Variants in PHF24 observed in about 807,000 individuals in gnomAD.
PHF24 encodes the protein Galpha inhibitory interacting protein.
In PHF24, 25 loss-of-function variants were observed where a neutral mutation model predicts 42.6. That is an observed-to-expected ratio of 0.59 (90% CI 0.43 to 0.82). The LOEUF (loss-of-function observed/expected upper bound fraction) is 0.82, where lower values mean the gene tolerates loss of function less well. PHF24 is among the 40% of genes least tolerant of loss of function. PHF24 has a pLI of 0.00. For missense variants in PHF24, 470 were observed against 538.1 expected (o/e 0.87, Z 1.25); for synonymous variants, 185 against 204.8 (o/e 0.90, Z 0.83).
the PHF24 span, among the ~76,000 whole-genome samples, chr9:34,885,153 T>G: frequency 6.6e-6 from 1 of 152,238 alleles, no homozygotes; most frequent in Non-Finnish European, 1.5e-5. Context: ...TTGGGGATGC[T>G]TTAGGCAAAT....
chr9:34,850,236 C>T, the PHF24 span, among the ~76,000 whole-genome samples: 2 of 152,168 alleles, frequency 1.3e-5, no homozygotes, highest in Admixed American at 1.3e-4. Flanking sequence ...CTTTCAGGTA[C>T]ACCAATCAGA....
At chr9:34,847,540 C>G in the PHF24 span, among the ~76,000 whole-genome samples, 2 of 152,006 alleles carry the variant, frequency 1.3e-5, no homozygotes, top group Admixed American at 1.3e-4. Flanking sequence ...ATCATGTCAT[C>G]TGCAAACAGG....
chr9:34,855,645 C>T, the PHF24 span, among the ~76,000 whole-genome samples: 1 of 152,216 alleles, frequency 6.6e-6, no homozygotes, highest in African/African-American at 2.4e-5. Context: ...GAGAGGTCCA[C>T]TGTTAGCCTG....
chr9:34,963,098 G>C (rs75683643), intron 1 of PHF24, among the ~76,000 whole-genome samples: 11,139 of 152,118 alleles, frequency 0.073, 439 homozygotes, highest in African/African-American at 0.097. Flanking sequence ...TTAGTTTCTA[G>C]GCTACTGCCA....
the PHF24 span, among the ~76,000 whole-genome samples, chr9:34,852,086 T>C: frequency 6.6e-6 from 1 of 152,188 alleles, no homozygotes; most frequent in African/African-American, 2.4e-5. Context: ...TTCCTCAGCC[T>C]ACTCAACATG....
At chr9:34,678,059 G>A in the PHF24 span, 1 of 152,236 alleles carries the variant, frequency 6.6e-6, no homozygotes, top group Non-Finnish European at 1.5e-5. Flanking sequence ...CTTAATGTGA[G>A]TGGGCACAAT....
chr9:34,758,401 C>T, the PHF24 span, among the ~76,000 whole-genome samples: 2 of 152,086 alleles, frequency 1.3e-5, no homozygotes, highest in Non-Finnish European at 2.9e-5. The surrounding 1 kb of genome is among the most constrained non-coding windows in gnomAD (Gnocchi z 4.4). Flanking sequence ...GGCGGGTTCA[C>T]CAGCTTAGGA....
chr9:34,914,573 A>G, the PHF24 span, among the ~76,000 whole-genome samples: 1 of 152,224 alleles, frequency 6.6e-6, no homozygotes, highest in East Asian at 1.9e-4. Context: ...GTACTTCTCA[A>G]TTGTATCCTT....
the PHF24 span, among the ~76,000 whole-genome samples, chr9:34,909,606 A>C: frequency 6.6e-6 from 1 of 152,054 alleles, no homozygotes; most frequent in East Asian, 1.9e-4. Flanking sequence ...GTACCTTAGA[A>C]CATAAAGAGA....
At chr9:34,937,004 G>C in the PHF24 span, among the ~76,000 whole-genome samples, 1 of 143,520 alleles carries the variant, frequency 7.0e-6, no homozygotes, top group South Asian at 2.2e-4. Flanking sequence ...CAGGCCAGCC[G>C]CCCCGTCCGG....
chr9:34,803,700 A>G, the PHF24 span, among the ~76,000 whole-genome samples: 1 of 152,184 alleles, frequency 6.6e-6, no homozygotes, highest in Non-Finnish European at 1.5e-5. Flanking sequence ...CTAGAATGCC[A>G]TCCCCAACTG....
the PHF24 span, chr9:34,894,905 A>C: frequency 5.0e-6 from 2 of 396,922 alleles, no homozygotes; most frequent in Non-Finnish European, 8.9e-6. Context: ...TTCCATGAGA[A>C]ATTGTCCCTG....
the PHF24 span, among the ~76,000 whole-genome samples, chr9:34,739,453 G>A: frequency 6.6e-6 from 1 of 152,210 alleles, no homozygotes; most frequent in Non-Finnish European, 1.5e-5. Flanking sequence ...ACATATGAAA[G>A]GATAGTCACT....
the PHF24 span, chr9:34,689,713 G>A: frequency 7.4e-7 from 1 of 1,345,202 alleles, no homozygotes; most frequent in East Asian, 2.3e-5. This position sits in a 1 kb window ranked among gnomAD's most constrained non-coding sequence, Gnocchi z 4.1. Context: ...GTCTGGTGCA[G>A]AGGAGCTGGA....
At chr9:34,932,546 C>G in the PHF24 span, among the ~76,000 whole-genome samples, 1 of 152,138 alleles carries the variant, frequency 6.6e-6, no homozygotes, top group Admixed American at 6.5e-5. Context: ...CAAAATAGAT[C>G]CTCAGTAAAT....
chr9:34,837,537 G>C, the PHF24 span: 1 of 723,870 alleles, frequency 1.4e-6, no homozygotes. Context: ...TCAGTCTGGG[G>C]AACTGGAGTC....
the PHF24 span, among the ~76,000 whole-genome samples, chr9:34,886,738 A>ATCTGTCTG: frequency 7.0e-6 from 1 of 141,864 alleles, no homozygotes. Flanking sequence ...ATGGTTTTAT[A>ATCTGTCTG]TCTATCTATC....
At chr9:34,924,403 G>A in the PHF24 span, among the ~76,000 whole-genome samples, 1 of 152,184 alleles carries the variant, frequency 6.6e-6, no homozygotes, top group East Asian at 1.9e-4. Context: ...TTGTATAAGG[G>A]TCTATCTCTC....
At chr9:34,710,952 T>G in the PHF24 span, among the ~76,000 whole-genome samples, 1 of 152,180 alleles carries the variant, frequency 6.6e-6, no homozygotes. Context: ...TCCCCTTTGC[T>G]TTCCTTTTCT....
Sources: allele counts gnomAD v4.1 joint callset (sites outside exome capture counted in the v4.1 genomes callset), GRCh38; gene constraint gnomAD v4.1.1; non-coding constraint Gnocchi (gnomAD v3.1); transcripts MANE v1.5; gene names NCBI Gene and HGNC (gene_info 2026-07-23, HGNC 2026-07-21).